The following ABLIM1 variants were observed in gnomAD, a reference collection of about 807,000 sequenced individuals.
The protein encoded by ABLIM1 is actin binding LIM protein 1.
In ABLIM1, 40 loss-of-function variants were observed where a neutral mutation model predicts 107.0. The observed-to-expected ratio is 0.37, with a 90% CI of 0.29 to 0.49. The LOEUF (loss-of-function observed/expected upper bound fraction) is 0.49. Among genes scored for constraint, ABLIM1 ranks in the 20% least tolerant of loss-of-function variants. ABLIM1 has a pLI of 0.97. For synonymous variants in ABLIM1, 357 were observed against 357.3 expected (o/e 1.00, Z 0.01); for missense variants, 857 against 1,008.5 (o/e 0.85, Z 2.04).
chr10:114,569,345 G>C (rs563239455), intron 4 of ABLIM1, among the ~76,000 whole-genome samples: 42 of 151,028 alleles, frequency 2.8e-4, no homozygotes, highest in African/African-American at 1.0e-3. Context: ...TTGAGATGGA[G>C]TTTTGCTCTT....
chr10:114,547,483 G>T (rs1281600839), intron 5 of ABLIM1, 167 bp downstream of exon 5: 6 of 876,398 alleles, frequency 6.8e-6, no homozygotes, highest in East Asian at 2.7e-5. Flanking sequence ...CAAGGCAAAA[G>T]AATACAATTC....
intron 4 of ABLIM1, among the ~76,000 whole-genome samples, chr10:114,562,875 A>C (rs545694951): frequency 2.0e-5 from 3 of 152,274 alleles, no homozygotes; most frequent in African/African-American, 7.2e-5. Flanking sequence ...ACAAACAAAA[A>C]AACCAGTCCT....
At chr10:114,536,537 C>T (rs1432315962) in intron 6 of ABLIM1, among the ~76,000 whole-genome samples, 4 of 152,040 alleles carry the variant, frequency 2.6e-5, no homozygotes, top group East Asian at 1.9e-4. Context: ...CGTGAGCCAC[C>T]GCACCTGGCC....
chr10:114,741,611 T>C (rs2082290400), intron 1 of ABLIM1, among the ~76,000 whole-genome samples: 1 of 152,084 alleles, frequency 6.6e-6, no homozygotes, highest in African/African-American at 2.4e-5. Flanking sequence ...AGAAGAAATA[T>C]GTACACCATA....
chr10:114,475,692 T>C (rs573146589), intron 8 of ABLIM1, among the ~76,000 whole-genome samples: 1 of 152,188 alleles, frequency 6.6e-6, no homozygotes, highest in African/African-American at 2.4e-5. Flanking sequence ...TTGGGAAGGA[T>C]GAAAGAAACT....
intron 1 of ABLIM1, among the ~76,000 whole-genome samples, chr10:114,633,422 A>G (rs1417426861): frequency 1.3e-5 from 2 of 152,132 alleles, no homozygotes; most frequent in African/African-American, 2.4e-5. Flanking sequence ...ACATTCCTAC[A>G]TCTGTGACTC....
chr10:114,734,002 A>T (rs1370984618), intron 1 of ABLIM1, among the ~76,000 whole-genome samples: 3 of 152,152 alleles, frequency 2.0e-5, no homozygotes, highest in Non-Finnish European at 2.9e-5. Context: ...CTAGGATTAC[A>T]GGCGTGTGCC....
intron 1 of ABLIM1, among the ~76,000 whole-genome samples, chr10:114,655,844 T>A (rs1015108185): frequency 1.3e-5 from 2 of 152,184 alleles, no homozygotes; most frequent in African/African-American, 4.8e-5. Context: ...GCTGTTACCA[T>A]CAGCAGCTGT....
intron 3 of ABLIM1, 101 bp downstream of exon 3, chr10:114,575,315 G>T: frequency 1.5e-6 from 2 of 1,293,240 alleles, no homozygotes; most frequent in Non-Finnish European, 2.2e-6. Flanking sequence ...AAGAGTATGT[G>T]CTACTCAAGA....
intron 7 of ABLIM1, among the ~76,000 whole-genome samples, chr10:114,491,474 G>A (rs2058993571): frequency 1.3e-5 from 2 of 152,042 alleles, no homozygotes; most frequent in South Asian, 4.1e-4. Flanking sequence ...CATATTCCTG[G>A]GGAGAGTTGG....
chr10:114,700,748 A>T (rs2081292531), intron 1 of ABLIM1, among the ~76,000 whole-genome samples: 1 of 152,110 alleles, frequency 6.6e-6, no homozygotes, highest in Non-Finnish European at 1.5e-5. Flanking sequence ...AAAAAAAAAA[A>T]TTAACCTCAA....
chr10:114,646,307 C>G (rs1212632374), intron 1 of ABLIM1, among the ~76,000 whole-genome samples: 1 of 152,078 alleles, frequency 6.6e-6, no homozygotes, highest in Non-Finnish European at 1.5e-5. Context: ...AACTAAGCCA[C>G]AAGATGAGCA....
chr10:114,447,089 T>C (rs906210472), intron 15 of ABLIM1, among the ~76,000 whole-genome samples: 13 of 152,286 alleles, frequency 8.5e-5, no homozygotes, highest in African/African-American at 2.9e-4. Flanking sequence ...GCCTTTTAGG[T>C]TGTTAACAGA....
intron 1 of ABLIM1, among the ~76,000 whole-genome samples, chr10:114,656,597 A>T (rs942204715): frequency 6.6e-6 from 1 of 152,172 alleles, no homozygotes; most frequent in African/African-American, 2.4e-5. Flanking sequence ...ATCTGACACG[A>T]AAAAAGAAAA....
At chr10:114,627,767 G>T (rs1200432526) in intron 1 of ABLIM1, among the ~76,000 whole-genome samples, 1 of 152,216 alleles carries the variant, frequency 6.6e-6, no homozygotes, top group Non-Finnish European at 1.5e-5. Context: ...ATCTGTTTCT[G>T]CCAAAAGCTA....
chr10:114,663,887 C>A (rs1052412140), intron 1 of ABLIM1, among the ~76,000 whole-genome samples: 7 of 152,194 alleles, frequency 4.6e-5, no homozygotes, highest in Non-Finnish European at 7.3e-5. Context: ...TGCCTGCCTG[C>A]TCCAGGTTCC....
At chr10:114,460,208 G>A (rs1455465713) in intron 12 of ABLIM1, among the ~76,000 whole-genome samples, 1 of 152,216 alleles carries the variant, frequency 6.6e-6, no homozygotes. Context: ...CTAGTGGTGA[G>A]CCCCTGGACA....
chr10:114,560,372 G>C (rs1012786858), intron 4 of ABLIM1, among the ~76,000 whole-genome samples: 44 of 152,226 alleles, frequency 2.9e-4, no homozygotes, highest in African/African-American at 1.1e-3. Flanking sequence ...ATGACAGACT[G>C]CATACATGAC....
intron 1 of ABLIM1, among the ~76,000 whole-genome samples, chr10:114,640,900 C>G (rs2078715840): frequency 6.6e-6 from 1 of 152,010 alleles, no homozygotes; most frequent in South Asian, 2.1e-4. Flanking sequence ...ACAAGGGGTC[C>G]CACCTTTTCC....
Sources: gnomAD v4.1 joint callset for allele counts (sites outside exome capture counted in the v4.1 genomes callset) on GRCh38, gnomAD v4.1.1 for gene constraint, MANE v1.5 for transcripts, NCBI Gene and HGNC (gene_info 2026-07-23, HGNC 2026-07-21) for gene names.